TMEM217B: variants seen among roughly 807,000 people sequenced by gnomAD.
TMEM217B encodes putative transmembrane protein 217B.
chr6:37,234,538 T>C, the TMEM217B span, among the ~76,000 whole-genome samples: 1 of 152,060 alleles, frequency 6.6e-6, no homozygotes, highest in Non-Finnish European at 1.5e-5. Flanking sequence ...AGTTAAGAGT[T>C]TGGGAGGAAT....
the TMEM217B span, among the ~76,000 whole-genome samples, chr6:37,246,187 T>G: frequency 6.6e-6 from 1 of 152,168 alleles, no homozygotes; most frequent in African/African-American, 2.4e-5. Context: ...TCTAATTCTC[T>G]CCTGCAGTAA....
At chr6:37,212,528 A>C in the TMEM217B span, 1 of 457,942 alleles carries the variant, frequency 2.2e-6, no homozygotes, top group Non-Finnish European at 4.4e-6. Flanking sequence ...GATTCCTTGT[A>C]AAGGTTGTAT....
the TMEM217B span, among the ~76,000 whole-genome samples, chr6:37,223,854 T>C: frequency 6.6e-6 from 1 of 151,850 alleles, no homozygotes; most frequent in Admixed American, 6.6e-5. Context: ...AGTCTTGCTG[T>C]GTTGCCCAGG....
the TMEM217B span, among the ~76,000 whole-genome samples, chr6:37,226,505 G>C: frequency 2.0e-5 from 3 of 151,406 alleles, no homozygotes; most frequent in South Asian, 6.3e-4. Context: ...CACCGTGTTA[G>C]CCAGGATGGT....
the TMEM217B span, among the ~76,000 whole-genome samples, chr6:37,255,263 C>G: frequency 6.6e-6 from 1 of 152,120 alleles, no homozygotes; most frequent in Admixed American, 6.5e-5. Context: ...TGAGATGAGA[C>G]TGGAGAGGTG....
the TMEM217B span, among the ~76,000 whole-genome samples, chr6:37,233,926 T>C: frequency 1.3e-5 from 2 of 152,188 alleles, no homozygotes; most frequent in Admixed American, 6.5e-5. Context: ...GATTTTCACT[T>C]TCAGTATAGT....
At chr6:37,251,567 A>G in the TMEM217B span, among the ~76,000 whole-genome samples, 9 of 152,370 alleles carry the variant, frequency 5.9e-5, no homozygotes, top group East Asian at 1.5e-3. Flanking sequence ...TTGCTGAAGC[A>G]TATGTACAGT....
chr6:37,212,407 G>A, the TMEM217B span: 18 of 400,400 alleles, frequency 4.5e-5, no homozygotes, highest in Non-Finnish European at 9.1e-5. Context: ...CCTGGCATCT[G>A]GCATGGTTCA....
the TMEM217B span, chr6:37,215,127 A>T: frequency 1.9e-6 from 3 of 1,592,192 alleles, no homozygotes; most frequent in Non-Finnish European, 2.6e-6. Context: ...GGGTCACTAT[A>T]ATAATGGCCT....
the TMEM217B span, among the ~76,000 whole-genome samples, chr6:37,220,835 C>T: frequency 6.6e-6 from 1 of 152,086 alleles, no homozygotes. Flanking sequence ...AATGGAACTG[C>T]AGTAATATCT....
chr6:37,218,418 C>T, the TMEM217B span: 1 of 1,582,932 alleles, frequency 6.3e-7, no homozygotes, highest in Non-Finnish European at 8.6e-7. Flanking sequence ...CTCAGGCGAT[C>T]CACCTACCTC....
At chr6:37,254,605 A>T in the TMEM217B span, among the ~76,000 whole-genome samples, 1 of 152,246 alleles carries the variant, frequency 6.6e-6, no homozygotes, top group Non-Finnish European at 1.5e-5. Context: ...CACTGTTTCT[A>T]TCATCTTTCC....
At chr6:37,253,385 T>C in the TMEM217B span, among the ~76,000 whole-genome samples, 2 of 152,254 alleles carry the variant, frequency 1.3e-5, no homozygotes, top group East Asian at 3.8e-4. Flanking sequence ...TTCTTAGGAA[T>C]GAAATACCTA....
At chr6:37,242,046 C>G in the TMEM217B span, among the ~76,000 whole-genome samples, 1 of 150,994 alleles carries the variant, frequency 6.6e-6, no homozygotes, top group South Asian at 2.1e-4. Context: ...TTTCCCTGCC[C>G]CTTGATGGAG....
chr6:37,257,809 G>T, the TMEM217B span: 1 of 1,237,930 alleles, frequency 8.1e-7, no homozygotes, highest in Non-Finnish European at 1.1e-6. Context: ...GGGAGCGGGT[G>T]ACCGGCGGCG....
chr6:37,238,880 C>G, the TMEM217B span, among the ~76,000 whole-genome samples: 1 of 152,210 alleles, frequency 6.6e-6, no homozygotes, highest in Non-Finnish European at 1.5e-5. Context: ...CCTGTAATCC[C>G]AGCAGTTTAG....
At chr6:37,230,590 G>A in the TMEM217B span, among the ~76,000 whole-genome samples, 678 of 152,194 alleles carry the variant, frequency 4.5e-3, 10 homozygotes, top group East Asian at 0.053. Context: ...AAAACATGGC[G>A]CAGGGGTGGT....
chr6:37,234,478 T>C, the TMEM217B span, among the ~76,000 whole-genome samples: 40 of 152,308 alleles, frequency 2.6e-4, no homozygotes, highest in Non-Finnish European at 4.1e-4. Context: ...AGTTGAGGAG[T>C]ACCTGTGCTT....
the TMEM217B span, among the ~76,000 whole-genome samples, chr6:37,231,226 A>ATTTTTTTTTT: frequency 1.1e-5 from 1 of 87,448 alleles, no homozygotes; most frequent in Non-Finnish European, 2.2e-5. Flanking sequence ...TGCCTGGCTA[A>ATTTTTTTTTT]TTTTTTTTTT....
Sources: allele counts gnomAD v4.1 joint callset (sites outside exome capture counted in the v4.1 genomes callset), GRCh38; gene constraint gnomAD v4.1.1; transcripts MANE v1.5; gene names NCBI Gene and HGNC (gene_info 2026-07-23, HGNC 2026-07-21).